Variants in FAM167A observed in about 807,000 individuals in gnomAD.
The protein encoded by FAM167A is family with sequence similarity 167 member A.
In FAM167A, 23 loss-of-function variants were observed where a neutral mutation model predicts 14.9. The ratio of observed to expected loss-of-function variants is 1.55; its 90% CI spans 1.11 to 2.19. The LOEUF is 2.19. FAM167A is among the 30% of genes most tolerant of loss of function. The pLI is 0.00. For missense variants in FAM167A, 401 were observed against 281.5 expected (o/e 1.42, Z -3.04); for synonymous variants, 174 against 117.7 (o/e 1.48, Z -3.10).
At chr8:11,438,026 C>G in intron 2 of FAM167A, 1 of 382,162 alleles carries the variant, frequency 2.6e-6, no homozygotes, top group South Asian at 1.9e-5. Flanking sequence ...ATGTGCCTGT[C>G]TTCTCCTTCG....
chr8:11,456,784 G>A (rs995113813), intron 1 of FAM167A, among the ~76,000 whole-genome samples: 12 of 149,664 alleles, frequency 8.0e-5, no homozygotes, highest in African/African-American at 1.5e-4. Context: ...AGGGGAGTGC[G>A]GCTGGCTAAG....
In FAM167A at chr8:11,421,917, GGTTA is replaced by G. The variant is rs1428853944; in HGVS notation, c.*2452_*2455del. 1 of 398,276 alleles carries G rather than the reference GGTTA, an allele frequency of 2.5e-6. No homozygotes were observed. 24.7% of individuals were successfully genotyped at this position (398,276 alleles called of 1,614,324 possible). On this transcript the variant is annotated 3_prime_UTR_variant, in exon 3 of 3. Coordinates refer to ENST00000284486, the MANE Select transcript of FAM167A (RefSeq NM_053279.3). ...GGACTTCACAAAGCTGAATTAATGT[GGTTA>G]GTTGTGTTCACTGTGCAAAGTAAGG...
At chr8:11,463,946 A>G (rs1290103934) in intron 1 of FAM167A, among the ~76,000 whole-genome samples, 2 of 152,158 alleles carry the variant, frequency 1.3e-5, no homozygotes, top group Admixed American at 6.5e-5. Context: ...TGTGCTTGCT[A>G]AGGCCACGTG....
intron 2 of FAM167A, 100 bp from the exon 3 acceptor site, chr8:11,424,736 T>G (rs1308771614): frequency 6.8e-7 from 1 of 1,471,912 alleles, no homozygotes; most frequent in African/African-American, 1.4e-5. Flanking sequence ...CTTAGTTCAT[T>G]AAGTGGTCCA....
chr8:11,460,554 G>C (rs1433457666), intron 1 of FAM167A, among the ~76,000 whole-genome samples: 1 of 152,238 alleles, frequency 6.6e-6, no homozygotes, highest in Non-Finnish European at 1.5e-5. Flanking sequence ...AGTGTCCTAT[G>C]CTAATGGTTG....
At chr8:11,426,399 A>G (rs1202544756) in intron 2 of FAM167A, among the ~76,000 whole-genome samples, 2 of 152,186 alleles carry the variant, frequency 1.3e-5, no homozygotes, top group African/African-American at 2.4e-5. Flanking sequence ...GGTCACTTAC[A>G]CTGGCTCAGA....
At chr8:11,469,913 TAAATAAATAA>T (rs1484915335), upstream of FAM167A, among the ~76,000 whole-genome samples, 1 of 146,156 alleles carries the variant, frequency 6.8e-6, no homozygotes, top group African/African-American at 2.7e-5. Flanking sequence ...AATAAATAAA[TAAATAAATAA>T]AAGATTTAAA....
intron 1 of FAM167A, among the ~76,000 whole-genome samples, chr8:11,462,109 G>C (rs1397949183): frequency 1.3e-5 from 2 of 152,252 alleles, no homozygotes; most frequent in Non-Finnish European, 2.9e-5. Context: ...CAGAAAATGG[G>C]ATGTGTGACT....
At position 11,452,737 on chromosome 8, in the gene FAM167A, C is replaced by T. The variant is rs894960298; in HGVS notation, c.-397-7929G>A. On this transcript the variant is annotated intron_variant, in intron 1 of 2. Coordinates refer to ENST00000284486, the MANE Select transcript of FAM167A (RefSeq NM_053279.3). ...CCCAAGCTCCCATAAACAGACGTGACGGCCTGAGATCCTGGCCCAGAAAAA... is the reference window on the plus strand; with the variant it reads ...CCCAAGCTCCCATAAACAGACGTGATGGCCTGAGATCCTGGCCCAGAAAAA... Among the ~76,000 whole-genome samples the T allele has an allele frequency of 8.5e-5, 13 of 152,316 alleles. No homozygotes were observed. The South Asian group carries it at 1.0e-3, about 12-fold the overall frequency.
At chr8:11,430,297 A>G (rs963935086) in intron 2 of FAM167A, among the ~76,000 whole-genome samples, 1 of 152,234 alleles carries the variant, frequency 6.6e-6, no homozygotes, top group Non-Finnish European at 1.5e-5. Flanking sequence ...CTGTGGTGAC[A>G]GGGTGTCCCC....
chr8:11,458,918 G>A (rs1434569973), intron 1 of FAM167A, among the ~76,000 whole-genome samples: 4 of 152,246 alleles, frequency 2.6e-5, no homozygotes, highest in South Asian at 2.1e-4. Context: ...AAGAGAGGCT[G>A]GAACGGCACT....
upstream of FAM167A, among the ~76,000 whole-genome samples, chr8:11,471,356 C>T (rs1178145537): frequency 6.6e-6 from 1 of 152,192 alleles, no homozygotes; most frequent in African/African-American, 2.4e-5. Flanking sequence ...CACGGCTCTC[C>T]TAGCTCAGAA....
At chr8:11,457,593 C>A (rs551289729) in intron 1 of FAM167A, among the ~76,000 whole-genome samples, 3 of 152,064 alleles carry the variant, frequency 2.0e-5, no homozygotes, top group African/African-American at 7.2e-5. Flanking sequence ...ACTGTGACCC[C>A]GGCACTCAGA....
chr8:11,452,363 G>A (rs1265300491), intron 1 of FAM167A, among the ~76,000 whole-genome samples: 1 of 152,250 alleles, frequency 6.6e-6, no homozygotes, highest in African/African-American at 2.4e-5. Flanking sequence ...GACCAGCCCA[G>A]CTGGGCTACA....
upstream of FAM167A, among the ~76,000 whole-genome samples, chr8:11,470,373 C>T (rs139916255): frequency 1.5e-3 from 226 of 152,190 alleles, 2 homozygotes; most frequent in Non-Finnish European, 2.5e-3. Context: ...AACGTGCCTG[C>T]CACAATCAGG....
At chr8:11,451,386 G>A (rs1051547874) in intron 1 of FAM167A, among the ~76,000 whole-genome samples, 1 of 134,210 alleles carries the variant, frequency 7.5e-6, no homozygotes, top group Non-Finnish European at 1.7e-5. Context: ...TTTTGCTTCA[G>A]CTACTTGGAG....
intron 2 of FAM167A, chr8:11,438,504 C>T: frequency 2.2e-6 from 1 of 457,274 alleles, no homozygotes; most frequent in South Asian, 1.5e-5. Context: ...GAGAGAAGAG[C>T]CTGGTGCTAG....
intron 2 of FAM167A, among the ~76,000 whole-genome samples, chr8:11,443,353 G>A (rs531845624): frequency 6.6e-6 from 1 of 152,306 alleles, no homozygotes; most frequent in Non-Finnish European, 1.5e-5. Flanking sequence ...ACCGCGCTGC[G>A]GTCCCAGCTC....
chr8:11,467,095 G>A (rs573341444), upstream of FAM167A, among the ~76,000 whole-genome samples: 1 of 152,340 alleles, frequency 6.6e-6, no homozygotes, highest in South Asian at 2.1e-4. Flanking sequence ...GGGCGCAGGG[G>A]GACCCCACGC....
Sources: allele counts gnomAD v4.1 joint callset (sites outside exome capture counted in the v4.1 genomes callset), GRCh38; gene constraint gnomAD v4.1.1; transcripts MANE v1.5; gene names NCBI Gene and HGNC (gene_info 2026-07-23, HGNC 2026-07-21).